The following THSD7B variants were observed in gnomAD, a reference collection of about 807,000 sequenced individuals.
The protein encoded by THSD7B is thrombospondin type-1 domain-containing protein 7B.
A neutral mutation model predicts 213.6 loss-of-function variants in THSD7B; 138 were observed. That is an observed-to-expected ratio of 0.65 (90% confidence interval 0.56 to 0.74). The LOEUF (loss-of-function observed/expected upper bound fraction) is 0.74. Among genes scored for constraint, THSD7B ranks in the 30% least tolerant of loss-of-function variants. The probability of loss-of-function intolerance (pLI) is 0.00; values close to 1 mark genes in which losing one functional copy is unlikely to be tolerated. For synonymous variants in THSD7B, 742 were observed against 687.0 expected (o/e 1.08, Z -1.25); for missense variants, 1,931 against 1,991.5 (o/e 0.97, Z 0.58).
rs374603038 is a variant in THSD7B at position 137,115,173 on chromosome 2, C to A, written c.1249C>A (p.Leu417Ile). 2 of 1,613,798 alleles carry A rather than the reference C, an allele frequency of 1.2e-6. No homozygotes were observed. Among genetic ancestry groups the A allele is most frequent in the African/African-American group, 2.7e-5 (2 of 74,880 alleles). The change falls in exon 5 of 28, where the codon CTC (leucine) becomes ATC (isoleucine). Residue 417 changes from leucine (L) to isoleucine (I), a missense_variant. By Grantham distance (5) the Leu-to-Ile change is conservative (BLOSUM62 2). Coordinates refer to ENST00000409968, the MANE Select transcript of THSD7B (RefSeq NM_001316349.2). ...GAAAGAATGCCAAGTCTCTCTCCTC[C>A]TCGAGCAGCAGGATCCCCACTGGCA... ...EWKECQVSLL[L>I]EQQDPHWHVT...
At chr2:137,634,601 AT>A (rs1470134918) in intron 20 of THSD7B, among the ~76,000 whole-genome samples, 5 of 152,336 alleles carry the variant, frequency 3.3e-5, no homozygotes, top group African/African-American at 1.2e-4. Flanking sequence ...TTTCCAGTAA[AT>A]TCAATGACTA....
chr2:137,099,964 G>C (rs1455184288), intron 4 of THSD7B, among the ~76,000 whole-genome samples: 2 of 152,052 alleles, frequency 1.3e-5, no homozygotes, highest in Non-Finnish European at 2.9e-5. Flanking sequence ...AAATAAGTCT[G>C]TTTGTGCAAA....
chr2:137,313,781 T>G (rs1022710031), intron 12 of THSD7B, among the ~76,000 whole-genome samples: 16 of 152,308 alleles, frequency 1.1e-4, no homozygotes, highest in South Asian at 1.0e-3. Context: ...AGTTTGGCTG[T>G]ATATGAAATT....
intron 10 of THSD7B, among the ~76,000 whole-genome samples, chr2:137,243,958 G>A (rs2105066758): frequency 6.6e-6 from 1 of 152,320 alleles, no homozygotes; most frequent in Middle Eastern, 3.4e-3. Flanking sequence ...TCTTTTGAGG[G>A]ATGGAAACGA....
At position 137,616,264 on chromosome 2, in the gene THSD7B, G is replaced by A. The variant is rs367864215; in HGVS notation, c.3513G>A (p.Val1171=). The A allele has an allele frequency of 4.3e-6, 7 of 1,613,568 alleles. No homozygotes were observed. In the African/African-American group the frequency reaches 6.7e-5, roughly 15 times the overall value. The change falls in exon 18 of 28, where the codon GTG becomes GTA. Residue 1171 remains valine, a synonymous_variant. Transcript: ENST00000409968. The part of the protein sequence containing the change: ...NSRTCAEDSQ[V]QPCLLNENCF... The stretch of plus-strand genomic sequence containing the variant: ...GGACTTGTGCTGAAGACTCACAGGT[G>A]CAGCCTTGCCTCCTGAATGAAAATT...
chr2:137,026,798 C>G (rs1487923435), intron 2 of THSD7B, among the ~76,000 whole-genome samples: 2 of 152,166 alleles, frequency 1.3e-5, no homozygotes, highest in African/African-American at 4.8e-5. Context: ...GATTTGTCCT[C>G]CTTTTTCACT....
chr2:137,005,203 C>T (rs1686080426), intron 2 of THSD7B, among the ~76,000 whole-genome samples: 1 of 152,280 alleles, frequency 6.6e-6, no homozygotes, highest in African/African-American at 2.4e-5. Flanking sequence ...TTTCAGTGCT[C>T]AGCCAACTTG....
intron 1 of THSD7B, among the ~76,000 whole-genome samples, chr2:136,870,713 A>G (rs1018597151): frequency 6.6e-6 from 1 of 152,178 alleles, no homozygotes; most frequent in Non-Finnish European, 1.5e-5. Context: ...GAGGAACAAG[A>G]AAGAGGCCAG....
intron 12 of THSD7B, among the ~76,000 whole-genome samples, chr2:137,337,318 A>C (rs1003615855): frequency 2.0e-5 from 3 of 151,952 alleles, no homozygotes; most frequent in Non-Finnish European, 4.4e-5. Context: ...TTTATCTCTT[A>C]TGACCCTGAC....
chr2:137,233,094 T>A lies in THSD7B; in HGVS notation c.2111T>A (p.Phe704Tyr), dbSNP rs1161816445. ...CGVGIQTRRV[F>Y]CVKSHVGQVM... The stretch of plus-strand genomic sequence containing the variant: ...GTAGGCATTCAGACTCGGAGAGTCT[T>A]CTGTGTCAAGAGTCACGTGGGACAA... Residue 704 changes from phenylalanine to tyrosine, a missense_variant, in exon 9 of 28, where the codon TTC becomes TAC. Coordinates refer to ENST00000409968, the MANE Select transcript of THSD7B (RefSeq NM_001316349.2). The A allele has an allele frequency of 6.2e-7, 1 of 1,613,832 alleles. No individual in the cohort carries two copies. Among genetic ancestry groups the A allele is most frequent in the Admixed American group, 1.7e-5 (1 of 59,968 alleles).
chr2:136,801,180 G>T (rs1262313454), intron 1 of THSD7B, among the ~76,000 whole-genome samples: 1 of 152,106 alleles, frequency 6.6e-6, no homozygotes, highest in Non-Finnish European at 1.5e-5. Context: ...ATAATTGGCT[G>T]TGAACACTGG....
chr2:137,307,092 C>G (rs949404306), intron 12 of THSD7B, among the ~76,000 whole-genome samples: 2 of 152,000 alleles, frequency 1.3e-5, no homozygotes, highest in African/African-American at 4.8e-5. Context: ...AAAACTAGTT[C>G]GAAACATGAG....
intron 2 of THSD7B, among the ~76,000 whole-genome samples, chr2:137,030,286 T>A (rs1466568771): frequency 6.6e-6 from 1 of 152,172 alleles, no homozygotes; most frequent in Non-Finnish European, 1.5e-5. Flanking sequence ...AATATACAAA[T>A]AGATTTAAAG....
intron 15 of THSD7B, among the ~76,000 whole-genome samples, chr2:137,484,420 T>C (rs1347725068): frequency 1.6e-5 from 2 of 126,708 alleles, no homozygotes; most frequent in Admixed American, 8.5e-5. Context: ...CAGTCTATCA[T>C]TGTTGGACAT....
At chr2:136,860,426 A>G (rs1184644605) in intron 1 of THSD7B, among the ~76,000 whole-genome samples, 1 of 152,162 alleles carries the variant, frequency 6.6e-6, no homozygotes. Flanking sequence ...TTCTCCTTGG[A>G]TGAATAATAA....
At chr2:136,982,350 C>T (rs573219120) in intron 2 of THSD7B, among the ~76,000 whole-genome samples, 8 of 151,114 alleles carry the variant, frequency 5.3e-5, no homozygotes, top group Admixed American at 1.3e-4. Flanking sequence ...TTAACAATAG[C>T]GACAGGGTCT....
At chr2:137,399,432 A>G (rs1021958690) in intron 12 of THSD7B, among the ~76,000 whole-genome samples, 7 of 151,932 alleles carry the variant, frequency 4.6e-5, no homozygotes, top group African/African-American at 1.5e-4. Context: ...ACCTTGAATG[A>G]TCTCCCAGCC....
chr2:137,587,725 G>A (rs376988787), intron 17 of THSD7B, among the ~76,000 whole-genome samples: 43 of 152,318 alleles, frequency 2.8e-4, no homozygotes, highest in African/African-American at 9.1e-4. Context: ...ACCTGGCCGT[G>A]TGAGGTGTCA....
intron 7 of THSD7B, among the ~76,000 whole-genome samples, chr2:137,201,565 C>T (rs1159108735): frequency 1.3e-5 from 2 of 152,102 alleles, no homozygotes; most frequent in African/African-American, 4.8e-5. Context: ...ACACATTGTA[C>T]TCCATAAGTA....
Sources: allele counts gnomAD v4.1 joint callset (sites outside exome capture counted in the v4.1 genomes callset), GRCh38; gene constraint gnomAD v4.1.1; transcripts MANE v1.5; gene names NCBI Gene and HGNC (gene_info 2026-07-23, HGNC 2026-07-21).